ASIC2: variants seen among roughly 807,000 people sequenced by gnomAD.
ASIC2 encodes the protein acid-sensing ion channel 2.
In ASIC2, 25 loss-of-function variants were observed where a neutral mutation model predicts 57.3. The observed-to-expected ratio is 0.44, with a 90% confidence interval of 0.32 to 0.61. ASIC2 has a LOEUF of 0.61. ASIC2 is among the 20% of genes least tolerant of loss of function. The pLI is 0.06. For missense variants in ASIC2, 641 were observed against 738.1 expected (o/e 0.87, Z 1.52); for synonymous variants, 319 against 307.5 (o/e 1.04, Z -0.39).
rs555606046 is a variant in ASIC2, at chr17:33,433,380, T to G, written c.556-321313A>C. Among the ~76,000 whole-genome samples, 4 of 152,308 alleles carry G rather than the reference T, an allele frequency of 2.6e-5. No individual in the cohort carries two copies. In the South Asian group the frequency reaches 8.3e-4, roughly 32 times the overall value. On this transcript the variant is annotated intron_variant, in intron 1 of 9. Coordinates refer to the ASIC2 transcript ENST00000359872. ...CACATGGACACACAGAGGTGAACGC[T>G]AGACACTGGGCCTGTCATTGAGTGG...
At chr17:33,557,107 T>G (rs1183731838) in intron 1 of ASIC2, among the ~76,000 whole-genome samples, 1 of 152,210 alleles carries the variant, frequency 6.6e-6, no homozygotes, top group African/African-American at 2.4e-5. Context: ...CTGACCACTT[T>G]CCAAGAATAT....
chr17:33,629,498 T>A (rs1906093369), intron 1 of ASIC2, among the ~76,000 whole-genome samples: 1 of 152,204 alleles, frequency 6.6e-6, no homozygotes, highest in South Asian at 2.1e-4. Context: ...GAGCTAGTGT[T>A]GACCAAGTGA....
intron 1 of ASIC2, among the ~76,000 whole-genome samples, chr17:33,479,575 T>TG (rs1913336529): frequency 6.6e-6 from 1 of 152,184 alleles, no homozygotes; most frequent in Admixed American, 6.5e-5. Flanking sequence ...GAACACTGGA[T>TG]GGGGGTGTTT....
At chr17:33,109,667 G>A (rs144383031) in intron 2 of ASIC2, among the ~76,000 whole-genome samples, 26 of 152,276 alleles carry the variant, frequency 1.7e-4, no homozygotes, top group East Asian at 9.6e-4. Context: ...GATGACCTGC[G>A]CAGTGTTAGC....
chr17:34,034,846 C>T (rs995469451), intron 1 of ASIC2, among the ~76,000 whole-genome samples: 9 of 152,058 alleles, frequency 5.9e-5, no homozygotes, highest in African/African-American at 2.2e-4. Flanking sequence ...CAAACCACTG[C>T]TCAATGAAAT....
intron 1 of ASIC2, among the ~76,000 whole-genome samples, chr17:33,424,239 C>T (rs913747669): frequency 2.5e-4 from 38 of 152,198 alleles, no homozygotes; most frequent in African/African-American, 8.7e-4. Flanking sequence ...TCTCCTCCTG[C>T]CACCTAGAAC....
At chr17:33,653,199 G>A (rs1012820991) in intron 1 of ASIC2, among the ~76,000 whole-genome samples, 2 of 152,186 alleles carry the variant, frequency 1.3e-5, no homozygotes, top group African/African-American at 4.8e-5. Flanking sequence ...GCGGAGAAGA[G>A]CTTGCTGGCC....
At chr17:33,848,455 C>A (rs530773138) in intron 1 of ASIC2, among the ~76,000 whole-genome samples, 18 of 152,232 alleles carry the variant, frequency 1.2e-4, no homozygotes, top group Non-Finnish European at 2.2e-4. Flanking sequence ...GGTGTTGTAG[C>A]CCAAAAGCAA....
At chr17:33,990,262 C>T (rs528892997) in intron 1 of ASIC2, among the ~76,000 whole-genome samples, 6 of 152,224 alleles carry the variant, frequency 3.9e-5, no homozygotes, top group African/African-American at 1.4e-4. Context: ...CCTCCATTTC[C>T]TCACCTGCTA....
At chr17:33,059,314 C>G (rs143247437) in intron 3 of ASIC2, among the ~76,000 whole-genome samples, 2,661 of 152,256 alleles carry the variant, frequency 0.017, 77 homozygotes, top group African/African-American at 0.061. Flanking sequence ...CCCACTCCCC[C>G]AACCCCACAA....
chr17:34,130,776 C>T (rs557828949), intron 1 of ASIC2, among the ~76,000 whole-genome samples: 11 of 152,314 alleles, frequency 7.2e-5, no homozygotes, highest in Non-Finnish European at 1.6e-4. Flanking sequence ...TAGCAACTGC[C>T]TAGAAGAGAG....
In ASIC2 at chr17:33,189,053, G is replaced by A. The variant is rs59432416; in HGVS notation, c.709-76986C>T. On this transcript the variant is annotated intron_variant, in intron 1 of 9. Coordinates refer to ENST00000225823, the MANE Select transcript of ASIC2 (RefSeq NM_183377.2). ...AGTTTCTGATACTATACATACAGTC[G>A]TATAACATTTGCTTGATAAGTTAAA... is the stretch of plus-strand genomic sequence containing the variant. 3.3e-3 allele frequency among the ~76,000 whole-genome samples: 500 copies of A among 152,238 alleles called. 4 individuals are homozygous for A. Among genetic ancestry groups the A allele is most frequent in the East Asian group, 0.026 (136 of 5,184 alleles).
chr17:33,564,636 C>A (rs1468771865), intron 1 of ASIC2, among the ~76,000 whole-genome samples: 1 of 152,248 alleles, frequency 6.6e-6, no homozygotes, highest in Non-Finnish European at 1.5e-5. Context: ...GAAGTGCCAG[C>A]AAGCCACCCC....
intron 1 of ASIC2, among the ~76,000 whole-genome samples, chr17:33,643,709 T>C (rs1377253448): frequency 6.6e-6 from 1 of 152,204 alleles, no homozygotes; most frequent in African/African-American, 2.4e-5. Context: ...ATTATTAGTG[T>C]CTTAGTTTTC....
chr17:33,126,421 A>C (rs1489587692), intron 1 of ASIC2, among the ~76,000 whole-genome samples: 3 of 152,224 alleles, frequency 2.0e-5, no homozygotes, highest in Non-Finnish European at 4.4e-5. Context: ...TCATGTGTCG[A>C]ATGGCCTGGC....
At chr17:33,441,073 A>G (rs1018287547) in intron 1 of ASIC2, among the ~76,000 whole-genome samples, 13 of 151,948 alleles carry the variant, frequency 8.6e-5, no homozygotes, top group Non-Finnish European at 1.5e-5. Context: ...GGCTTGAGTG[A>G]TCCTCCCACT....
intron 1 of ASIC2, among the ~76,000 whole-genome samples, chr17:33,835,344 G>A (rs12602228): frequency 0.15 from 23,009 of 152,032 alleles, 2,934 homozygotes; most frequent in African/African-American, 0.34. Context: ...CATTCCAGCC[G>A]TCAGTACTTT....
At chr17:34,111,779 T>A (rs1911283665) in intron 1 of ASIC2, among the ~76,000 whole-genome samples, 1 of 152,218 alleles carries the variant, frequency 6.6e-6, no homozygotes, top group Admixed American at 6.5e-5. Context: ...GCGGCATTAT[T>A]TATGATAGCA....
intron 1 of ASIC2, among the ~76,000 whole-genome samples, chr17:33,122,597 T>C (rs2092307285): frequency 6.6e-6 from 1 of 152,226 alleles, no homozygotes; most frequent in South Asian, 2.1e-4. Flanking sequence ...CATTGTGCAA[T>C]GATCAAATCA....
Sources: allele counts gnomAD v4.1 joint callset (sites outside exome capture counted in the v4.1 genomes callset), GRCh38; gene constraint gnomAD v4.1.1; transcripts MANE v1.5; gene names NCBI Gene and HGNC (gene_info 2026-07-23, HGNC 2026-07-21).